DPYSL3: variants seen among roughly 807,000 people sequenced by gnomAD.
DPYSL3 encodes dihydropyrimidinase like 3, also known as dihydropyrimidinase-related protein 3.
DPYSL3 carries 16 observed loss-of-function variants against 66.1 expected under a neutral mutation model. That is an observed-to-expected ratio of 0.24 (90% CI 0.16 to 0.37). DPYSL3 has a LOEUF of 0.37. Among genes scored for constraint, DPYSL3 ranks in the 10% least tolerant of loss-of-function variants. DPYSL3 has a pLI of 1.00. For missense variants in DPYSL3, 738 were observed against 916.2 expected, an observed-to-expected ratio of 0.81 and a Z score of 2.51; for synonymous variants, 338 against 345.1, an observed-to-expected ratio of 0.98 and a Z score of 0.23.
chr5:147,471,372 G>A (rs554713861), intron 1 of DPYSL3, among the ~76,000 whole-genome samples: 1 of 152,112 alleles, frequency 6.6e-6, no homozygotes, highest in Non-Finnish European at 1.5e-5. Context: ...GCTACAGTCT[G>A]TCTTTGACCC....
intron 2 of DPYSL3, among the ~76,000 whole-genome samples, chr5:147,423,558 T>A (rs561413432): frequency 3.0e-4 from 46 of 151,378 alleles, no homozygotes; most frequent in Non-Finnish European, 5.3e-4. Context: ...TTATCAAAAT[T>A]TTTTGTGCTA....
intron 1 of DPYSL3, among the ~76,000 whole-genome samples, chr5:147,485,515 G>T (rs1028043132): frequency 2.0e-5 from 3 of 152,024 alleles, no homozygotes; most frequent in African/African-American, 7.3e-5. Flanking sequence ...AAATATTTCA[G>T]TCGTTTTATG....
chr5:147,474,244 T>C (rs1366673075), intron 1 of DPYSL3, among the ~76,000 whole-genome samples: 1 of 152,054 alleles, frequency 6.6e-6, no homozygotes, highest in Non-Finnish European at 1.5e-5. Flanking sequence ...TGTCCTCCCA[T>C]ACACATAATG....
In DPYSL3 at chr5:147,457,192, C is replaced by T. The variant is rs543128960; in HGVS notation, c.382-32229G>A. On this transcript the variant is annotated intron_variant, in intron 1 of 13. Coordinates refer to ENST00000343218, the MANE Select transcript of DPYSL3 (RefSeq NM_001197294.2). ...TATTCTTCTTATTATATAATAATAACGCATATCCTTATTACACCACCTGTC... is the reference window on the plus strand; with the variant it reads ...TATTCTTCTTATTATATAATAATAATGCATATCCTTATTACACCACCTGTC... Among the ~76,000 whole-genome samples the T allele has an allele frequency of 1.3e-4, 20 of 152,178 alleles. No homozygotes were observed. The East Asian group carries it at 3.1e-3, about 24-fold the overall frequency.
intron 1 of DPYSL3, among the ~76,000 whole-genome samples, chr5:147,486,978 G>T (rs1753343764): frequency 1.3e-5 from 2 of 152,086 alleles, no homozygotes; most frequent in Admixed American, 6.6e-5. Context: ...TGTTTTAAGG[G>T]TAAGTGAGTT....
intron 10 of DPYSL3, 59 bp downstream of exon 10, chr5:147,400,633 C>G: frequency 1.3e-6 from 2 of 1,582,050 alleles, no homozygotes; most frequent in Non-Finnish European, 1.7e-6. Context: ...GCAGGAGGTT[C>G]TGATCTGGCC....
intron 1 of DPYSL3, among the ~76,000 whole-genome samples, chr5:147,496,039 A>C (rs1275606487): frequency 6.6e-6 from 1 of 152,242 alleles, no homozygotes; most frequent in East Asian, 1.9e-4. Context: ...TGGTACTGGT[A>C]CCAAAACAGA....
chr5:147,494,756 G>A (rs1463753072), intron 1 of DPYSL3, among the ~76,000 whole-genome samples: 1 of 149,668 alleles, frequency 6.7e-6, no homozygotes, highest in Admixed American at 6.7e-5. Flanking sequence ...ATAGGCGCCT[G>A]TATTCCCAGC....
intron 2 of DPYSL3, among the ~76,000 whole-genome samples, chr5:147,419,301 C>A (rs1752035518): frequency 6.6e-6 from 1 of 152,140 alleles, no homozygotes; most frequent in South Asian, 2.1e-4. Flanking sequence ...AAGCTTTTAG[C>A]CGAGCTGAGT....
rs917297411 is a variant in DPYSL3, at chr5:147,392,276, G to A, written c.*1759C>T. Reference sequence around the variant, plus strand: ...AATAGCAAGCTTCCCTATTCTAAGGGGAAATAGTCTTTTTTCATGATTTGA... The same window carrying A: ...AATAGCAAGCTTCCCTATTCTAAGGAGAAATAGTCTTTTTTCATGATTTGA... On this transcript the variant is annotated 3_prime_UTR_variant, in exon 14 of 14. Transcript: ENST00000343218. The A allele has an allele frequency of 6.6e-5, 10 of 152,206 alleles. No homozygotes were observed. The East Asian group carries it at 1.5e-3, about 23-fold the overall frequency. 9.4% of individuals were successfully genotyped at this position (152,206 alleles called of 1,614,324 possible).
rs77711501 is a variant in DPYSL3 at position 147,415,396 on chromosome 5, T to C, written c.820+313A>G. On this transcript the variant is annotated intron_variant, in intron 4 of 13. Coordinates refer to ENST00000343218, the MANE Select transcript of DPYSL3 (RefSeq NM_001197294.2). ...AACCTCAGTTTCTTCCTCTTCAGAATGGGCAATATTGCATGGAGGTGAAGA... is the reference window on the plus strand; with the variant it reads ...AACCTCAGTTTCTTCCTCTTCAGAACGGGCAATATTGCATGGAGGTGAAGA... 0.014 allele frequency among the ~76,000 whole-genome samples: 2,100 copies of C among 152,216 alleles called. 124 individuals are homozygous for C. The East Asian group carries it at 0.19, about 13-fold the overall frequency.
chr5:147,509,907 A>G lies in DPYSL3; in HGVS notation c.-49T>C, dbSNP rs1753735840. ...CGGGTTTTTCTTCCCCAGAGGCGGA[A>G]AGGGCAGCCGCCGGCAGCGTGCGCC... is the stretch of plus-strand genomic sequence containing the variant. On this transcript the variant is annotated 5_prime_UTR_variant, in exon 1 of 14. Coordinates refer to ENST00000343218, the MANE Select transcript of DPYSL3 (RefSeq NM_001197294.2). This position sits in a 1 kb window ranked among gnomAD's most constrained non-coding sequence, Gnocchi z 5.3. 5 of 1,465,874 alleles carry G rather than the reference A, an allele frequency of 3.4e-6. No homozygotes were observed. Among genetic ancestry groups the G allele is most frequent in the Non-Finnish European group, 3.6e-6 (4 of 1,110,320 alleles). 90.8% of individuals were successfully genotyped at this position (1,465,874 alleles called of 1,614,324 possible).
chr5:147,419,814 A>G (rs1561780931), intron 2 of DPYSL3, among the ~76,000 whole-genome samples: 1 of 152,148 alleles, frequency 6.6e-6, no homozygotes, highest in Non-Finnish European at 1.5e-5. Flanking sequence ...CAGAGCCACC[A>G]TAATTCAAAA....
At chr5:147,400,622 G>A in intron 10 of DPYSL3, 70 bp downstream of exon 10, 2 of 1,563,296 alleles carry the variant, frequency 1.3e-6, no homozygotes, top group Non-Finnish European at 8.7e-7. Context: ...CCCAACTGGT[G>A]GCAGGAGGTT....
At chr5:147,411,084 G>A (rs1382895377) in intron 6 of DPYSL3, among the ~76,000 whole-genome samples, 1 of 152,324 alleles carries the variant, frequency 6.6e-6, no homozygotes, top group Admixed American at 6.5e-5. Context: ...AGCAGGGCTG[G>A]GACCTCTGGC....
chr5:147,480,694 A>AAT (rs1253015682), intron 1 of DPYSL3, among the ~76,000 whole-genome samples: 130 of 138,760 alleles, frequency 9.4e-4, no homozygotes, highest in African/African-American at 2.9e-3. Flanking sequence ...ACACATCATG[A>AAT]ATATATATAT....
chr5:147,439,390 C>A (rs1022501947), intron 1 of DPYSL3, among the ~76,000 whole-genome samples: 6 of 147,850 alleles, frequency 4.1e-5, no homozygotes, highest in Non-Finnish European at 9.0e-5. Flanking sequence ...AAAAAAAAAA[C>A]AACAAGTACA....
At chr5:147,395,284 G>A (rs775929714) in intron 13 of DPYSL3, among the ~76,000 whole-genome samples, 15 of 152,176 alleles carry the variant, frequency 9.9e-5, no homozygotes, top group Non-Finnish European at 1.9e-4. Context: ...CCAGCTCCCC[G>A]ACCCTGCCCC....
At chr5:147,396,979 T>C (rs968653062) in intron 12 of DPYSL3, among the ~76,000 whole-genome samples, 3 of 148,188 alleles carry the variant, frequency 2.0e-5, no homozygotes, top group Non-Finnish European at 4.5e-5. Context: ...ATTATATTTA[T>C]TGTATTGTTA....
Sources: gnomAD v4.1 joint callset for allele counts (sites outside exome capture counted in the v4.1 genomes callset) on GRCh38, gnomAD v4.1.1 for gene constraint, Gnocchi (gnomAD v3.1) non-coding constraint, MANE v1.5 for transcripts, NCBI Gene and HGNC (gene_info 2026-07-23, HGNC 2026-07-21) for gene names.